B4GALT4: variants seen among roughly 807,000 people sequenced by gnomAD.
B4GALT4 encodes the protein beta-1,4-galactosyltransferase 4.
A neutral mutation model predicts 37.3 loss-of-function variants in B4GALT4; 27 were observed. The observed-to-expected ratio is 0.72, with a 90% CI of 0.53 to 1.00. B4GALT4 has a LOEUF of 1.00. Among genes scored for constraint, B4GALT4 ranks in the 50% least tolerant of loss-of-function variants. B4GALT4 has a pLI of 0.00. For synonymous variants in B4GALT4, 148 were observed against 154.1 expected (o/e 0.96, Z 0.29); for missense variants, 372 against 413.1 (o/e 0.90, Z 0.86).
At chr3:119,230,706 G>C (rs569806275) in intron 2 of B4GALT4, among the ~76,000 whole-genome samples, 1 of 152,308 alleles carries the variant, frequency 6.6e-6, no homozygotes, top group South Asian at 2.1e-4. Context: ...TCTCCCCTGT[G>C]ACAGCTAGAA....
At position 119,224,059 on chromosome 3, in the gene B4GALT4, T is replaced by C; in HGVS notation, c.673A>G (p.Arg225Gly). 3.1e-6 allele frequency: 5 copies of C among 1,611,656 alleles called. No individual in the cohort carries two copies. The highest frequency in any genetic ancestry group is 4.2e-6 in the Non-Finnish European group (5 of 1,178,958). Residue 225 changes from arginine to glycine, a missense_variant and splice_region_variant, in exon 5 of 8, where the codon AGG becomes GGG. By Grantham distance (125) the Arg-to-Gly change is moderately radical (BLOSUM62 -2). Coordinates refer to ENST00000393765, the MANE Select transcript of B4GALT4 (RefSeq NM_003778.4). ...CCACCCTCAGCAGAACCACCTTACC[T>C]GTACCCAGTGCTGTTCCTGCCAACC... ...LVVGRNSTGY[R>G]LRYSGYFGGV...
chr3:119,213,323 T>C (rs1015958809), intron 7 of B4GALT4: 1 of 152,182 alleles, frequency 6.6e-6, no homozygotes, highest in Non-Finnish European at 1.5e-5. Context: ...GCCAGAACCA[T>C]GGAATCTGGG....
rs757553736 is a variant in B4GALT4 at position 119,226,908 on chromosome 3, G to C, written c.387C>G (p.Pro129=). ...KALQRVAILV[P]HRNREKHLMY... ...TCAGGTGTTTCTCTCTGTTCCGGTG[G>C]GGAACGAGGATGGCGACCCTCTGTA... The change falls in exon 4 of 8, where the codon CCC becomes CCG. Residue 129 remains proline (P), a synonymous_variant. Transcript: ENST00000393765. 2 of 1,614,148 alleles carry C rather than the reference G, an allele frequency of 1.2e-6. No individual in the cohort carries two copies. The highest frequency in any genetic ancestry group is 1.7e-6 in the Non-Finnish European group (2 of 1,180,018).
Position 119,230,077 on chromosome 3 carries a change from T to C in B4GALT4, c.23A>G (p.His8Arg). ...CAGTAATCGGAATTTGTAGGAAAGGTGGAAAGTCAGGTTGAAGCCCATGTT... is the reference window on the plus strand; with the variant it reads ...CAGTAATCGGAATTTGTAGGAAAGGCGGAAAGTCAGGTTGAAGCCCATGTT... MGFNLTFHLSYKFRLLLL... is the reference protein window; with the variant it reads MGFNLTFRLSYKFRLLLL... Residue 8 changes from histidine to arginine, a missense_variant, in exon 3 of 8, where the codon CAC (histidine) becomes CGC (arginine). Physicochemically the swap from His to Arg is conservative, Grantham distance 29 (BLOSUM62 0). Coordinates refer to ENST00000393765, the MANE Select transcript of B4GALT4 (RefSeq NM_003778.4). The C allele has an allele frequency of 1.2e-6, 2 of 1,614,140 alleles. No homozygotes were observed. Among genetic ancestry groups the C allele is most frequent in the South Asian group, 2.2e-5 (2 of 91,076 alleles).
At chr3:119,229,762 AGATGTTTT>A (rs1166653257) in intron 3 of B4GALT4, 77 bp downstream of exon 3, 1 of 1,374,772 alleles carries the variant, frequency 7.3e-7, no homozygotes, top group African/African-American at 1.5e-5. Context: ...GGGGTACATG[AGATGTTTT>A]GATACAGGCA....
intron 5 of B4GALT4, among the ~76,000 whole-genome samples, chr3:119,219,046 C>T (rs1234693705): frequency 6.6e-6 from 1 of 152,126 alleles, no homozygotes. Flanking sequence ...AGATACCTGT[C>T]AATGTGAACC....
At chr3:119,220,457 G>A (rs996147804) in intron 5 of B4GALT4, among the ~76,000 whole-genome samples, 3 of 152,216 alleles carry the variant, frequency 2.0e-5, no homozygotes, top group African/African-American at 4.8e-5. Context: ...CGGGAGCCCC[G>A]CCCTCAGAGT....
At chr3:119,216,995 G>A (rs768546664) in intron 6 of B4GALT4, among the ~76,000 whole-genome samples, 5 of 152,108 alleles carry the variant, frequency 3.3e-5, no homozygotes, top group Non-Finnish European at 5.9e-5. Flanking sequence ...AGTGCCTGTT[G>A]CACAGGCGAA....
At chr3:119,224,340 A>T in intron 4 of B4GALT4, 95 bp from the exon 5 acceptor site, 1 of 889,160 alleles carries the variant, frequency 1.1e-6, no homozygotes. Flanking sequence ...TATTATTCTA[A>T]TTATTCTACG....
intron 4 of B4GALT4, among the ~76,000 whole-genome samples, chr3:119,224,705 A>G (rs4603947): frequency 0.74 from 112,185 of 152,128 alleles, 41,566 homozygotes; most frequent in African/African-American, 0.81. Flanking sequence ...TAAATTTTAC[A>G]TCGTGTGTTT....
chr3:119,230,553 A>G (rs2078778252), intron 2 of B4GALT4, among the ~76,000 whole-genome samples: 1 of 152,250 alleles, frequency 6.6e-6, no homozygotes, highest in Admixed American at 6.5e-5. Flanking sequence ...AGCTGGACAC[A>G]GCCTAAGACA....
intron 2 of B4GALT4, among the ~76,000 whole-genome samples, chr3:119,233,734 A>C (rs2078896331): frequency 6.6e-6 from 1 of 152,252 alleles, no homozygotes; most frequent in Middle Eastern, 3.2e-3. Flanking sequence ...GCAAGGAGCC[A>C]TTATTAATAA....
chr3:119,214,709 C>A (rs1293308124), intron 7 of B4GALT4: 1 of 152,128 alleles, frequency 6.6e-6, no homozygotes, highest in Non-Finnish European at 1.5e-5. Flanking sequence ...CCCCAGAGTA[C>A]CCAAATACAT....
Position 119,216,220 on chromosome 3 carries a change from C to A in B4GALT4, c.902+20G>T. 1 of 1,577,802 alleles carries A rather than the reference C, an allele frequency of 6.3e-7. No individual in the cohort carries two copies. Among genetic ancestry groups the A allele is most frequent in the Non-Finnish European group, 8.7e-7 (1 of 1,153,796 alleles). On this transcript the variant is annotated intron_variant, in intron 7 of 7. Transcript: ENST00000393765. Reference sequence around the variant, plus strand: ...CAGACTAGGGAGGTAGCCTGCTAGGCAGGTGAAGCCAGGACTTACCGTTCT... The same window carrying A: ...CAGACTAGGGAGGTAGCCTGCTAGGAAGGTGAAGCCAGGACTTACCGTTCT...
At chr3:119,240,445 G>T (rs2079120800) in intron 1 of B4GALT4, 1 of 152,344 alleles carries the variant, frequency 6.6e-6, no homozygotes, top group Non-Finnish European at 1.5e-5. Flanking sequence ...TGAAACGCTG[G>T]AGAAGGAGGG....
intron 2 of B4GALT4, among the ~76,000 whole-genome samples, chr3:119,231,824 AAT>A (rs956499894): frequency 2.7e-5 from 4 of 146,732 alleles, no homozygotes; most frequent in Admixed American, 2.0e-4. Context: ...TTTATATTTT[AAT>A]ATATTTTATA....
intron 2 of B4GALT4, among the ~76,000 whole-genome samples, chr3:119,233,578 T>C (rs1157899307): frequency 6.6e-6 from 1 of 152,118 alleles, no homozygotes; most frequent in Non-Finnish European, 1.5e-5. Context: ...CTGGAGCCAA[T>C]TCCTTCCATA....
chr3:119,213,219 G>A (rs2078206662), intron 7 of B4GALT4: 1 of 152,230 alleles, frequency 6.6e-6, no homozygotes, highest in African/African-American at 2.4e-5. Flanking sequence ...AAGTGAAGAA[G>A]GTGAAGGAAA....
chr3:119,223,793 G>A (rs866480706), intron 5 of B4GALT4, among the ~76,000 whole-genome samples: 5 of 152,192 alleles, frequency 3.3e-5, no homozygotes, highest in Admixed American at 6.5e-5. Flanking sequence ...GGGCGCTGCG[G>A]GTGAGACTGG....
Sources: allele counts gnomAD v4.1 joint callset (sites outside exome capture counted in the v4.1 genomes callset), GRCh38; gene constraint gnomAD v4.1.1; transcripts MANE v1.5; gene names NCBI Gene and HGNC (gene_info 2026-07-23, HGNC 2026-07-21).